Variants in PPTC7 observed in about 807,000 individuals in gnomAD.
PPTC7 encodes protein phosphatase targeting COQ7, also known as protein phosphatase PTC7 homolog.
PPTC7 carries 6 observed loss-of-function variants against 30.8 expected under a neutral mutation model. That is an observed-to-expected ratio of 0.19 (90% confidence interval 0.11 to 0.38). PPTC7 has a LOEUF of 0.38. Ranked by LOEUF, PPTC7 falls within the 10% of genes least tolerant of loss-of-function variation. PPTC7 has a pLI of 1.00. For synonymous variants in PPTC7, 163 were observed against 168.1 expected, an observed-to-expected ratio of 0.97 and a Z score of 0.23; for missense variants, 218 against 404.8, an observed-to-expected ratio of 0.54 and a Z score of 3.96.
chr12:110,562,780 G>A (rs561942279), intron 1 of PPTC7, among the ~76,000 whole-genome samples: 24 of 151,234 alleles, frequency 1.6e-4, no homozygotes, highest in African/African-American at 5.3e-4. Flanking sequence ...GTGACAAAGC[G>A]AGACTCTGTC....
At chr12:110,537,554 CATAAA>C (rs1284370673) in intron 5 of PPTC7, among the ~76,000 whole-genome samples, 2 of 152,180 alleles carry the variant, frequency 1.3e-5, no homozygotes, top group Non-Finnish European at 2.9e-5. Context: ...TTTCACATGT[CATAAA>C]ATTATACCAA....
At chr12:110,551,746 T>C (rs2064350968) in intron 2 of PPTC7, 43 bp downstream of exon 2, 1 of 1,560,784 alleles carries the variant, frequency 6.4e-7, no homozygotes, top group Non-Finnish European at 8.8e-7. Flanking sequence ...TTTAACTATC[T>C]AGGGGGCTTC....
intron 1 of PPTC7, among the ~76,000 whole-genome samples, chr12:110,577,908 A>AACACACAC: frequency 6.6e-6 from 1 of 151,036 alleles, no homozygotes; most frequent in East Asian, 1.9e-4. Context: ...AGAAGTTATA[A>AACACACAC]ACACACACAC....
rs2064653662 is a variant in PPTC7 at position 110,583,034 on chromosome 12, C to A, written c.-3G>T. ...CCGTACGAGAGGACCGAGAACATCG[C>A]CGCCGCCGCCCCCCCGAGGAGGCGG... On this transcript the variant is annotated 5_prime_UTR_variant, in exon 1 of 6. Coordinates refer to ENST00000354300, the MANE Select transcript of PPTC7 (RefSeq NM_139283.2). 1.4e-6 allele frequency: 2 copies of A among 1,398,462 alleles called. No individual in the cohort carries two copies. Among genetic ancestry groups the A allele is most frequent in the Non-Finnish European group, 1.8e-6 (2 of 1,086,552 alleles). The allele number at this position is 1,398,462 out of a possible 1,614,324, so 86.6% of individuals were successfully genotyped here.
intron 4 of PPTC7, among the ~76,000 whole-genome samples, chr12:110,539,167 G>A (rs1240592517): frequency 6.6e-6 from 1 of 151,992 alleles, no homozygotes; most frequent in African/African-American, 2.4e-5. Context: ...TATAAAAGAG[G>A]ATCTTTAGGA....
chr12:110,560,517 A>C (rs1470092903), intron 1 of PPTC7, among the ~76,000 whole-genome samples: 1 of 152,218 alleles, frequency 6.6e-6, no homozygotes, highest in Non-Finnish European at 1.5e-5. Flanking sequence ...TACTATAAGA[A>C]AGACTTCTGA....
chr12:110,553,877 G>T (rs1249585937), intron 1 of PPTC7, among the ~76,000 whole-genome samples: 1 of 151,708 alleles, frequency 6.6e-6, no homozygotes, highest in African/African-American at 2.4e-5. Context: ...TATTTTTTTT[G>T]AGACAGAGTC....
At chr12:110,561,928 C>T (rs2064440907) in intron 1 of PPTC7, among the ~76,000 whole-genome samples, 4 of 152,082 alleles carry the variant, frequency 2.6e-5, no homozygotes, top group South Asian at 2.1e-4. Context: ...GGTGACACAG[C>T]AAGACCTGCC....
chr12:110,544,886 A>C (rs965214670), intron 3 of PPTC7, among the ~76,000 whole-genome samples: 4 of 152,204 alleles, frequency 2.6e-5, no homozygotes, highest in African/African-American at 9.6e-5. Flanking sequence ...TGACAATTTA[A>C]AAGTGAACTG....
rs1362429197 is a variant in PPTC7 at position 110,535,758 on chromosome 12, C to T, written c.*1279G>A. Reference sequence around the variant, plus strand: ...ACTGACCCAAAAATATATATCTTTACAGCAGTCAACTTGTACACAAAACTT... The same window carrying T: ...ACTGACCCAAAAATATATATCTTTATAGCAGTCAACTTGTACACAAAACTT... On this transcript the variant is annotated 3_prime_UTR_variant, in exon 6 of 6. Coordinates refer to ENST00000354300, the MANE Select transcript of PPTC7 (RefSeq NM_139283.2). The T allele has an allele frequency of 1.3e-5, 2 of 152,588 alleles. No individual in the cohort carries two copies. Among genetic ancestry groups the T allele is most frequent in the African/African-American group, 4.8e-5 (2 of 41,436 alleles). 9.5% of individuals were successfully genotyped at this position (152,588 alleles called of 1,614,324 possible).
At position 110,560,609 on chromosome 12, in the gene PPTC7, C is replaced by T. The variant is rs80194035; in HGVS notation, c.224-8641G>A. Among the ~76,000 whole-genome samples, 1,042 of 152,216 alleles carry T rather than the reference C, an allele frequency of 6.8e-3. 1 individual carries two copies. The highest frequency in any genetic ancestry group is 9.4e-3 in the Non-Finnish European group (637 of 68,004). Reference sequence around the variant, plus strand: ...CATGATGTTGCAATTATTTTAAACCCCTCCTACTGCACTCATCTTCAGACT... The same window carrying T: ...CATGATGTTGCAATTATTTTAAACCTCTCCTACTGCACTCATCTTCAGACT... On this transcript the variant is annotated intron_variant, in intron 1 of 5. Coordinates refer to ENST00000354300, the MANE Select transcript of PPTC7 (RefSeq NM_139283.2).
chr12:110,574,498 C>T (rs2064570399), intron 1 of PPTC7, among the ~76,000 whole-genome samples: 1 of 152,042 alleles, frequency 6.6e-6, no homozygotes, highest in Non-Finnish European at 1.5e-5. Context: ...CCCCATTGCC[C>T]AATCCTCAAC....
intron 1 of PPTC7, among the ~76,000 whole-genome samples, chr12:110,569,407 A>G (rs746493556): frequency 7.2e-5 from 11 of 152,188 alleles, no homozygotes; most frequent in African/African-American, 1.7e-4. Flanking sequence ...AGAGCATTAA[A>G]GAAAAGTCTG....
chr12:110,566,385 G>A (rs770366901), intron 1 of PPTC7, among the ~76,000 whole-genome samples: 3 of 152,182 alleles, frequency 2.0e-5, no homozygotes, highest in Non-Finnish European at 4.4e-5. Flanking sequence ...ACTGAGCAAG[G>A]ACACAGGCTC....
chr12:110,570,298 C>A, intron 1 of PPTC7, among the ~76,000 whole-genome samples: 2 of 117,356 alleles, frequency 1.7e-5, no homozygotes, highest in African/African-American at 7.5e-5. Context: ...ATCACCACTC[C>A]CTAATCTCAA....
In PPTC7 at chr12:110,534,461, C is replaced by A. The variant is rs2064203260; in HGVS notation, c.*2576G>T. The A allele has an allele frequency of 6.6e-6, 1 of 151,840 alleles. No individual in the cohort carries two copies. The highest frequency in any genetic ancestry group is 2.1e-4 in the South Asian group (1 of 4,812). The allele number at this position is 151,840 out of a possible 1,614,324, so 9.4% of individuals were successfully genotyped here. A position where few individuals can be genotyped will look rare whatever the true frequency, so the allele number is the denominator to read the frequency against. On this transcript the variant is annotated 3_prime_UTR_variant, in exon 6 of 6. Coordinates refer to ENST00000354300, the MANE Select transcript of PPTC7 (RefSeq NM_139283.2). Reference sequence around the variant, plus strand: ...CACACATCAGGTTCAGAATCAGACCCACCAAGTGGTACAGCACAGTAACAA... The same window carrying A: ...CACACATCAGGTTCAGAATCAGACCAACCAAGTGGTACAGCACAGTAACAA...
At chr12:110,568,338 C>T (rs1263824008) in intron 1 of PPTC7, among the ~76,000 whole-genome samples, 4 of 151,576 alleles carry the variant, frequency 2.6e-5, no homozygotes, top group African/African-American at 7.3e-5. Flanking sequence ...CTGCAAGCTC[C>T]GCCTCCCGGG....
At chr12:110,573,605 TGA>T (rs1485010943) in intron 1 of PPTC7, among the ~76,000 whole-genome samples, 1 of 152,194 alleles carries the variant, frequency 6.6e-6, no homozygotes, top group Non-Finnish European at 1.5e-5. Context: ...TTACTATAGC[TGA>T]GTTATGATTT....
intron 3 of PPTC7, among the ~76,000 whole-genome samples, chr12:110,545,345 A>G (rs2064297760): frequency 6.6e-6 from 1 of 152,190 alleles, no homozygotes; most frequent in African/African-American, 2.4e-5. Flanking sequence ...CACCCGCCTC[A>G]GCCTCCCAAA....
Sources: allele counts gnomAD v4.1 joint callset (sites outside exome capture counted in the v4.1 genomes callset), GRCh38; gene constraint gnomAD v4.1.1; transcripts MANE v1.5; gene names NCBI Gene and HGNC (gene_info 2026-07-23, HGNC 2026-07-21).